Variants in TAF4B observed in about 807,000 individuals in gnomAD.
TAF4B encodes transcription initiation factor TFIID subunit 4B.
A neutral mutation model predicts 86.4 loss-of-function variants in TAF4B; 38 were observed. That is an observed-to-expected ratio of 0.44 (90% CI 0.34 to 0.58). The LOEUF is 0.58. Among genes scored for constraint, TAF4B ranks in the 20% least tolerant of loss-of-function variants. The pLI is 0.02. For synonymous variants in TAF4B, 388 were observed against 391.2 expected, an observed-to-expected ratio of 0.99 and a Z score of 0.10; for missense variants, 988 against 1,027.6, an observed-to-expected ratio of 0.96 and a Z score of 0.53.
intron 13 of TAF4B, among the ~76,000 whole-genome samples, chr18:26,343,134 G>C (rs1199496966): frequency 6.6e-6 from 1 of 152,180 alleles, no homozygotes; most frequent in South Asian, 2.1e-4. Context: ...TGGTGGTGAG[G>C]TTGCCACCCT....
intron 14 of TAF4B, among the ~76,000 whole-genome samples, chr18:26,387,705 G>A (rs566100200): frequency 2.6e-5 from 4 of 152,228 alleles, no homozygotes; most frequent in East Asian, 1.9e-4. Context: ...ATAAGTAGCC[G>A]AACAATTGGG....
chr18:26,341,718 T>G (rs2057138473), intron 13 of TAF4B, among the ~76,000 whole-genome samples: 1 of 152,142 alleles, frequency 6.6e-6, no homozygotes, highest in Non-Finnish European at 1.5e-5. Flanking sequence ...AAATAGATTC[T>G]AAACTGTTTG....
intron 1 of TAF4B, among the ~76,000 whole-genome samples, chr18:26,249,429 A>G (rs1540101): frequency 6.6e-6 from 1 of 151,714 alleles, no homozygotes; most frequent in East Asian, 1.9e-4. Flanking sequence ...GCAGTGATCC[A>G]AGATTGCACT....
intron 5 of TAF4B, among the ~76,000 whole-genome samples, chr18:26,276,168 T>C (rs1018168378): frequency 1.4e-4 from 21 of 152,178 alleles, no homozygotes; most frequent in Non-Finnish European, 2.5e-4. Context: ...TAGGCCTCAC[T>C]TTCCTTATCT....
intron 6 of TAF4B, among the ~76,000 whole-genome samples, chr18:26,282,472 A>G (rs1317860403): frequency 1.3e-5 from 2 of 152,248 alleles, no homozygotes; most frequent in East Asian, 3.8e-4. Flanking sequence ...TATATTTGAA[A>G]AAACAATTAC....
At chr18:26,250,693 A>G (rs763446248) in intron 1 of TAF4B, among the ~76,000 whole-genome samples, 2 of 152,202 alleles carry the variant, frequency 1.3e-5, no homozygotes, top group East Asian at 3.8e-4. Flanking sequence ...TAGGGTAGAT[A>G]TTCTGTGGGT....
At chr18:26,333,656 T>G (rs2057069012) in intron 12 of TAF4B, among the ~76,000 whole-genome samples, 1 of 152,230 alleles carries the variant, frequency 6.6e-6, no homozygotes, top group Non-Finnish European at 1.5e-5. Flanking sequence ...CCCAAAGTAC[T>G]GGGATTACAG....
chr18:26,276,764 A>T (rs1045568906), intron 5 of TAF4B, among the ~76,000 whole-genome samples: 2 of 152,188 alleles, frequency 1.3e-5, no homozygotes, highest in Non-Finnish European at 2.9e-5. Context: ...TAGTTTTGAA[A>T]GGGGATATGA....
intron 14 of TAF4B, among the ~76,000 whole-genome samples, chr18:26,365,687 C>T (rs1334007544): frequency 6.6e-6 from 1 of 152,224 alleles, no homozygotes. Context: ...TGAATCACTT[C>T]AGTATGTAGC....
intron 1 of TAF4B, among the ~76,000 whole-genome samples, chr18:26,254,128 A>G (rs1401840985): frequency 1.3e-5 from 2 of 151,516 alleles, no homozygotes; most frequent in East Asian, 1.9e-4. Context: ...GGGTTTCACC[A>G]TGTTGGCCAG....
In TAF4B at chr18:26,357,672, T is replaced by C; in HGVS notation, c.2317-18T>C. On this transcript the variant is annotated intron_variant, in intron 13 of 14. Transcript: ENST00000269142. ...TGAATGTGTATAAACATTGATATTT[T>C]TTTCTTCCGTCTTCTAGTTACAGCA... 1 of 1,567,770 alleles carries C rather than the reference T, an allele frequency of 6.4e-7. No homozygotes were observed. The highest frequency in any genetic ancestry group is 1.2e-5 in the South Asian group (1 of 86,108).
Position 26,267,605 on chromosome 18 carries a change from G to A in TAF4B, c.579G>A (p.Pro193=), listed in dbSNP as rs371713051. 6.8e-6 allele frequency: 11 copies of A among 1,613,222 alleles called. No individual in the cohort carries two copies. In the Admixed American group the frequency reaches 1.2e-4, roughly 17 times the overall value. Residue 193 remains proline (P), a synonymous_variant, in exon 3 of 15, where the codon CCG becomes CCA. Transcript: ENST00000269142. ...QIGTTVVTTV[P]KPSSVQSVAV... The stretch of plus-strand genomic sequence containing the variant: ...GAACTACTGTGGTAACCACTGTTCC[G>A]AAGCCTTCCTCAGTACAAGTAAGTT...
chr18:26,348,085 G>A (rs1374887093), intron 13 of TAF4B, among the ~76,000 whole-genome samples: 1 of 152,158 alleles, frequency 6.6e-6, no homozygotes, highest in Non-Finnish European at 1.5e-5. Context: ...AGGCATTTAT[G>A]GAACATTTCA....
intron 11 of TAF4B, 57 bp from the exon 12 acceptor site, chr18:26,326,958 T>A: frequency 6.3e-7 from 1 of 1,576,054 alleles, no homozygotes. Flanking sequence ...CAATACCTAA[T>A]GTAGAATGTG....
Position 26,250,515 on chromosome 18 carries a change from A to T in TAF4B, c.344-14655A>T, listed in dbSNP as rs1427532798. The stretch of plus-strand genomic sequence containing the variant: ...CCATCTCAAAAAAAAAAAAAAAAAA[A>T]TTTTTTTTTGTAGAGATGGGGTTTC... On this transcript the variant is annotated intron_variant, in intron 1 of 14. Transcript: ENST00000269142. 3.0e-3 allele frequency among the ~76,000 whole-genome samples: 325 copies of T among 107,610 alleles called. 2 individuals carry two copies. Among genetic ancestry groups the T allele is most frequent in the African/African-American group, 0.011 (282 of 25,698 alleles). 70.6% of individuals were successfully genotyped at this position (107,610 alleles called of 152,430 possible). A position where few individuals can be genotyped will look rare whatever the true frequency, so the allele number is the denominator to read the frequency against.
intron 1 of TAF4B, among the ~76,000 whole-genome samples, chr18:26,257,781 T>C (rs909282994): frequency 2.0e-5 from 3 of 152,092 alleles, no homozygotes; most frequent in South Asian, 2.1e-4. Context: ...TATTAACTTA[T>C]TTCAGTGAGA....
chr18:26,284,730 G>T (rs1420311732), intron 6 of TAF4B, among the ~76,000 whole-genome samples: 1 of 152,044 alleles, frequency 6.6e-6, no homozygotes, highest in Non-Finnish European at 1.5e-5. Context: ...AAATTAGCCA[G>T]TGGTGGCATG....
intron 11 of TAF4B, among the ~76,000 whole-genome samples, chr18:26,325,415 G>A (rs1020983609): frequency 2.0e-5 from 3 of 152,164 alleles, no homozygotes; most frequent in African/African-American, 7.2e-5. Context: ...GGCCAGCTGG[G>A]TATATAGGAA....
chr18:26,228,745 A>C (rs538309977), intron 1 of TAF4B, among the ~76,000 whole-genome samples: 191 of 152,182 alleles, frequency 1.3e-3, no homozygotes, highest in Middle Eastern at 3.4e-3. Flanking sequence ...AGCCCAGGCA[A>C]CAGAGTGAGA....
Sources: gnomAD v4.1 joint callset for allele counts (sites outside exome capture counted in the v4.1 genomes callset) on GRCh38, gnomAD v4.1.1 for gene constraint, MANE v1.5 for transcripts, NCBI Gene and HGNC (gene_info 2026-07-23, HGNC 2026-07-21) for gene names.